BACH2: variants seen among roughly 807,000 people sequenced by gnomAD.
BACH2 encodes the protein transcription regulator protein BACH2.
A neutral mutation model predicts 61.8 loss-of-function variants in BACH2; 5 were observed. The observed-to-expected ratio is 0.08, with a 90% CI of 0.04 to 0.17. BACH2 has a LOEUF of 0.17. Ranked by LOEUF, BACH2 falls within the 10% of genes least tolerant of loss-of-function variation. The pLI is 1.00. For missense variants in BACH2, 824 were observed against 1,091.1 expected (o/e 0.76, Z 3.45); for synonymous variants, 446 against 440.1 (o/e 1.01, Z -0.17).
At chr6:90,281,194 C>T (rs1338064017) in intron 1 of BACH2, among the ~76,000 whole-genome samples, 1 of 152,206 alleles carries the variant, frequency 6.6e-6, no homozygotes, top group African/African-American at 2.4e-5. Context: ...CTGTAAGAAT[C>T]ACACTGCACT....
chr6:89,970,028 A>G (rs1775273477), intron 6 of BACH2, among the ~76,000 whole-genome samples: 2 of 152,234 alleles, frequency 1.3e-5, no homozygotes, highest in Admixed American at 6.5e-5. Context: ...AGTAGGAAAG[A>G]CCACAGAGTT....
intron 3 of BACH2, among the ~76,000 whole-genome samples, chr6:90,249,719 G>A (rs986721737): frequency 6.6e-6 from 1 of 152,138 alleles, no homozygotes. Flanking sequence ...AGGCTGCCAC[G>A]AACCATGATT....
At chr6:90,039,645 A>G (rs913411933) in intron 5 of BACH2, among the ~76,000 whole-genome samples, 1 of 152,144 alleles carries the variant, frequency 6.6e-6, no homozygotes, top group Non-Finnish European at 1.5e-5. Flanking sequence ...CGGCCTCCCA[A>G]AATGCTGGGA....
intron 4 of BACH2, among the ~76,000 whole-genome samples, chr6:90,173,832 ACCTT>A (rs1767899592): frequency 6.6e-6 from 1 of 152,184 alleles, no homozygotes. Context: ...TGAAAATTAT[ACCTT>A]AATAAAGCTA....
intron 2 of BACH2, 63 bp from the exon 3 acceptor site, chr6:90,252,653 T>C (rs1770848425): frequency 6.6e-6 from 1 of 152,198 alleles, no homozygotes; most frequent in African/African-American, 2.4e-5. Flanking sequence ...TGCCCATTTT[T>C]ATCAATGATT....
intron 4 of BACH2, among the ~76,000 whole-genome samples, chr6:90,124,367 C>T (rs571594041): frequency 5.3e-5 from 8 of 152,306 alleles, no homozygotes; most frequent in South Asian, 4.1e-4. Flanking sequence ...AAACTTTCCA[C>T]GTGTATTTCC....
intron 8 of BACH2, among the ~76,000 whole-genome samples, chr6:89,936,990 G>A (rs1751350745): frequency 6.6e-6 from 1 of 151,974 alleles, no homozygotes; most frequent in African/African-American, 2.4e-5. Context: ...AGGAGGTTGA[G>A]TTGGTTGTCT....
At position 90,237,012 on chromosome 6, in the gene BACH2, C is replaced by A. The variant is rs1360115876; in HGVS notation, c.-275+15501G>T. 2.0e-5 allele frequency among the ~76,000 whole-genome samples: 3 copies of A among 152,026 alleles called. No individual in the cohort carries two copies. The East Asian group carries it at 5.8e-4, about 29-fold the overall frequency. ...AATCTCAGCTCACTGCAACCTCCAC[C>A]TCCCAGGTTCAAGCGATTCTCCTGC... On this transcript the variant is annotated intron_variant, in intron 3 of 8. Coordinates refer to ENST00000257749, the MANE Select transcript of BACH2 (RefSeq NM_021813.4).
At chr6:90,042,719 T>C (rs1004561454) in intron 5 of BACH2, among the ~76,000 whole-genome samples, 3 of 152,202 alleles carry the variant, frequency 2.0e-5, no homozygotes, top group Admixed American at 6.5e-5. Context: ...ATAAAATAAT[T>C]TCCCTTCTTC....
chr6:90,012,208 A>G (rs895393661), intron 5 of BACH2, among the ~76,000 whole-genome samples: 1 of 152,132 alleles, frequency 6.6e-6, no homozygotes, highest in Non-Finnish European at 1.5e-5. Flanking sequence ...CAATTTCTAC[A>G]AAATAGTCTG....
At chr6:90,069,322 ATCC>A (rs1486550481) in intron 5 of BACH2, among the ~76,000 whole-genome samples, 1 of 152,166 alleles carries the variant, frequency 6.6e-6, no homozygotes, top group East Asian at 1.9e-4. Context: ...GTTGAAATTT[ATCC>A]TCCCCTTCCC....
intron 4 of BACH2, among the ~76,000 whole-genome samples, chr6:90,172,559 CAT>C (rs1282203739): frequency 1.3e-5 from 2 of 151,326 alleles, no homozygotes; most frequent in Non-Finnish European, 1.5e-5. Context: ...AGAAGACCAT[CAT>C]AAAAAAAGCT....
intron 8 of BACH2, among the ~76,000 whole-genome samples, chr6:89,934,995 C>G (rs758518034): frequency 6.6e-6 from 1 of 152,106 alleles, no homozygotes; most frequent in Non-Finnish European, 1.5e-5. Context: ...ATAAATTTAT[C>G]AAGAAAATAT....
intron 8 of BACH2, among the ~76,000 whole-genome samples, chr6:89,936,656 T>C (rs909140134): frequency 6.6e-6 from 1 of 152,166 alleles, no homozygotes; most frequent in Non-Finnish European, 1.5e-5. Context: ...TTGTTGGTGA[T>C]GGGAGCTGCT....
At chr6:90,051,167 G>A (rs1780028973) in intron 5 of BACH2, among the ~76,000 whole-genome samples, 1 of 152,074 alleles carries the variant, frequency 6.6e-6, no homozygotes, top group African/African-American at 2.4e-5. Context: ...TCTTGCATAA[G>A]TTCTGTTAGA....
At chr6:90,193,157 C>T (rs2127845297) in intron 4 of BACH2, among the ~76,000 whole-genome samples, 1 of 152,316 alleles carries the variant, frequency 6.6e-6, no homozygotes, top group East Asian at 1.9e-4. Context: ...GAGGTGCAGA[C>T]AATTGCAAGA....
At position 90,168,462 on chromosome 6, in the gene BACH2, C is replaced by A. The variant is rs574235689; in HGVS notation, c.-162+38107G>T. Among the ~76,000 whole-genome samples the A allele has an allele frequency of 2.0e-5, 3 of 152,282 alleles. No homozygotes were observed. In the South Asian group the frequency reaches 6.2e-4, roughly 32 times the overall value. On this transcript the variant is annotated intron_variant, in intron 4 of 8. Transcript: ENST00000257749. Reference sequence around the variant, plus strand: ...AAAATAATGATCCACATATTATTGACATGCAAAGATTTCCACAATATATTG... The same window carrying A: ...AAAATAATGATCCACATATTATTGAAATGCAAAGATTTCCACAATATATTG...
chr6:90,279,471 C>T (rs1418334218), intron 1 of BACH2, among the ~76,000 whole-genome samples: 5 of 145,942 alleles, frequency 3.4e-5, no homozygotes, highest in African/African-American at 1.3e-4. Context: ...TGCAGTGAGC[C>T]GAGATCATGC....
At chr6:89,994,124 G>A (rs907395750) in intron 6 of BACH2, among the ~76,000 whole-genome samples, 15 of 152,174 alleles carry the variant, frequency 9.9e-5, no homozygotes, top group Admixed American at 3.9e-4. Flanking sequence ...CACGAAAGCA[G>A]TCTTGTTTTC....
Sources: gnomAD v4.1 joint callset for allele counts (sites outside exome capture counted in the v4.1 genomes callset) on GRCh38, gnomAD v4.1.1 for gene constraint, MANE v1.5 for transcripts, NCBI Gene and HGNC (gene_info 2026-07-23, HGNC 2026-07-21) for gene names.